SPIRE2: variants seen among roughly 807,000 people sequenced by gnomAD.
The protein encoded by SPIRE2 is protein spire homolog 2.
Under a neutral mutation model 80.7 loss-of-function variants are expected in SPIRE2, and 76 were observed. That is an observed-to-expected ratio of 0.94 (90% CI 0.78 to 1.14). The LOEUF is 1.14. SPIRE2 is among the 50% of genes most tolerant of loss of function. The pLI is 0.00. For synonymous variants in SPIRE2, 535 were observed against 432.6 expected, an observed-to-expected ratio of 1.24 and a Z score of -2.94; for missense variants, 1,196 against 1,015.3, an observed-to-expected ratio of 1.18 and a Z score of -2.42.
At position 89,869,611 on chromosome 16, in the gene SPIRE2, A is replaced by G; in HGVS notation, c.1851A>G (p.Thr617=). The G allele has an allele frequency of 6.2e-7, 1 of 1,614,110 alleles. No homozygotes were observed. Among genetic ancestry groups the G allele is most frequent in the South Asian group, 1.1e-5 (1 of 91,082 alleles). Reference sequence around the variant, plus strand: ...AATTTGGACACATCCCTGTCTACACACTGGGCTTTGAGAGTCCTCAGAGGG... The same window carrying G: ...AATTTGGACACATCCCTGTCTACACGCTGGGCTTTGAGAGTCCTCAGAGGG... ...SKKFGHIPVY[T]LGFESPQRVS... The change falls in exon 14 of 15, where the codon ACA becomes ACG. Residue 617 remains threonine, a synonymous_variant. Transcript: ENST00000378247.
chr16:89,838,118 G>C (rs984107763), intron 1 of SPIRE2, among the ~76,000 whole-genome samples: 2 of 148,992 alleles, frequency 1.3e-5, no homozygotes, highest in African/African-American at 5.0e-5. Flanking sequence ...TCCCACCTCA[G>C]CCTCCAGAGT....
chr16:89,854,719 GA>G lies in SPIRE2; in HGVS notation c.891+69del, dbSNP rs1283487905. On this transcript the variant is annotated intron_variant, in intron 5 of 14. Coordinates refer to ENST00000378247, the MANE Select transcript of SPIRE2 (RefSeq NM_032451.2). ...CGTGGTGAGCGGGGCGGACGCAGAT[GA>G]GCAGCCTGGATGTTGGGCAGCCCAC... 2.4e-5 allele frequency: 38 copies of G among 1,552,738 alleles called. No individual in the cohort carries two copies. The African/African-American group carries it at 4.6e-4, about 19-fold the overall frequency.
At position 89,870,230 on chromosome 16, in the gene SPIRE2, A is replaced by G. The variant is rs766056379; in HGVS notation, c.2103A>G (p.Gln701=). ...NTTPRRSRQT[Q]SLYIPNTRTL... ...CGCCACGACGCAGTCGCCAGACCCA[A>G]TCCCTCTACATCCCTAACACCAGGA... The change falls in exon 15 of 15, where the codon CAA becomes CAG. Residue 701 remains glutamine, a synonymous_variant. Coordinates refer to ENST00000378247, the MANE Select transcript of SPIRE2 (RefSeq NM_032451.2). 2.5e-6 allele frequency: 4 copies of G among 1,604,008 alleles called. No individual in the cohort carries two copies. The highest frequency in any genetic ancestry group is 2.2e-5 in the East Asian group (1 of 44,588).
chr16:89,851,738 C>T (rs987374964), intron 3 of SPIRE2, among the ~76,000 whole-genome samples: 10 of 152,084 alleles, frequency 6.6e-5, no homozygotes, highest in South Asian at 2.1e-4. Context: ...CCTTTTATCC[C>T]GTCAGCATCT....
Position 89,860,800 on chromosome 16 carries a change from G to C in SPIRE2, c.1575+5G>C. On this transcript the variant is annotated splice_donor_5th_base_variant and intron_variant, in intron 10 of 14. Coordinates refer to ENST00000378247, the MANE Select transcript of SPIRE2 (RefSeq NM_032451.2). Reference sequence around the variant, plus strand: ...GATGCCAAACACCTGTGGCTGGTGAGTGAGGGTGCGATTGTCGTCCAGGGC... The same window carrying C: ...GATGCCAAACACCTGTGGCTGGTGACTGAGGGTGCGATTGTCGTCCAGGGC... The C allele has an allele frequency of 6.8e-7, 1 of 1,478,016 alleles. No homozygotes were observed. The highest frequency in any genetic ancestry group is 9.0e-7 in the Non-Finnish European group (1 of 1,112,374). 91.6% of individuals were successfully genotyped at this position (1,478,016 alleles called of 1,614,324 possible).
intron 1 of SPIRE2, among the ~76,000 whole-genome samples, chr16:89,835,042 T>C (rs2041432684): frequency 1.3e-5 from 2 of 148,502 alleles, no homozygotes; most frequent in African/African-American, 5.0e-5. Flanking sequence ...GAAGCGTGGA[T>C]AAGCATAGCC....
At chr16:89,829,850 C>T (rs905076973) in intron 1 of SPIRE2, among the ~76,000 whole-genome samples, 1 of 151,428 alleles carries the variant, frequency 6.6e-6, no homozygotes, top group Non-Finnish European at 1.5e-5. Flanking sequence ...ACAGTGGCAG[C>T]GTTCAGATTC....
chr16:89,847,014 T>C (rs1042981119), intron 2 of SPIRE2: 2 of 150,954 alleles, frequency 1.3e-5, no homozygotes, highest in African/African-American at 4.9e-5. Context: ...GAAAACAACA[T>C]AGATTTACCG....
chr16:89,868,261 G>C, intron 13 of SPIRE2, 45 bp downstream of exon 13: 2 of 1,602,898 alleles, frequency 1.2e-6, no homozygotes, highest in Non-Finnish European at 1.7e-6. Context: ...AGGCAGATGA[G>C]GGGCTCCACT....
At chr16:89,829,750 C>T (rs2041361612) in intron 1 of SPIRE2, among the ~76,000 whole-genome samples, 1 of 151,638 alleles carries the variant, frequency 6.6e-6, no homozygotes. Flanking sequence ...CTGCCATTTG[C>T]AGTATCCCAC....
intron 7 of SPIRE2, among the ~76,000 whole-genome samples, chr16:89,857,180 C>T (rs1343635499): frequency 3.3e-5 from 5 of 149,858 alleles, no homozygotes; most frequent in East Asian, 2.0e-4. Flanking sequence ...TCTGTCACCC[C>T]GGCTGTAGTG....
At position 89,834,894 on chromosome 16, in the gene SPIRE2, G is replaced by A. The variant is rs533853622; in HGVS notation, c.244+6100G>A. On this transcript the variant is annotated intron_variant, in intron 1 of 14. Coordinates refer to ENST00000378247, the MANE Select transcript of SPIRE2 (RefSeq NM_032451.2). ...AACCTGCCCGCACTCGCAGCTGGCC[G>A]TCGTAGAAGGCCCCACAAGCATAGC... Among the ~76,000 whole-genome samples, 5 of 145,618 alleles carry A rather than the reference G, an allele frequency of 3.4e-5. No individual in the cohort carries two copies. The East Asian group carries it at 1.1e-3, about 31-fold the overall frequency.
intron 2 of SPIRE2, 180 bp downstream of exon 2, chr16:89,845,545 G>A (rs915673925): frequency 2.2e-5 from 16 of 733,016 alleles, no homozygotes; most frequent in Non-Finnish European, 3.4e-5. Context: ...GAGAGCAGAC[G>A]TGGAGGAGAC....
rs1258084029 is a variant in SPIRE2, at chr16:89,854,547, C to A, written c.787C>A (p.Gln263Lys). 6.2e-7 allele frequency: 1 copy of A among 1,612,640 alleles called. No homozygotes were observed. Among genetic ancestry groups the A allele is most frequent in the Non-Finnish European group, 8.5e-7 (1 of 1,179,948 alleles). Residue 263 changes from glutamine to lysine, a missense_variant, in exon 5 of 15, where the codon CAA (glutamine) becomes AAA (lysine). Coordinates refer to ENST00000378247, the MANE Select transcript of SPIRE2 (RefSeq NM_032451.2). ...CCGCGGAGTGAAGCTGAAGAAGGTG[C>A]AAGAGCAGGAGTTCAACCCCCTCCC... ...LRRGVKLKKV[Q>K]EQEFNPLPTE...
At chr16:89,855,764 A>G in intron 6 of SPIRE2, 78 bp downstream of exon 6, 1 of 1,434,168 alleles carries the variant, frequency 7.0e-7, no homozygotes, top group Non-Finnish European at 9.7e-7. Context: ...GAGGTGTCCC[A>G]GCACGTCTTC....
intron 1 of SPIRE2, among the ~76,000 whole-genome samples, chr16:89,834,036 A>C (rs2041414549): frequency 6.6e-6 from 1 of 152,184 alleles, no homozygotes; most frequent in Non-Finnish European, 1.5e-5. Flanking sequence ...ACAGGAAGGC[A>C]GTCCTGCAGC....
chr16:89,857,845 C>T lies in SPIRE2; in HGVS notation c.1103-493C>T, dbSNP rs1268565006. Among the ~76,000 whole-genome samples the T allele has an allele frequency of 3.3e-5, 5 of 149,646 alleles. No individual in the cohort carries two copies. The East Asian group carries it at 1.0e-3, about 30-fold the overall frequency. ...TCAGCCTCCCAAAGTGCAGGGATTA[C>T]AGGCGTGAGCCACCGCACCCAGCCT... On this transcript the variant is annotated intron_variant, in intron 7 of 14. Transcript: ENST00000378247.
At chr16:89,869,784 C>G in intron 14 of SPIRE2, 102 bp downstream of exon 14, 1 of 899,216 alleles carries the variant, frequency 1.1e-6, no homozygotes, top group Non-Finnish European at 1.8e-6. Flanking sequence ...TTTGCTAGGA[C>G]ACCCCAAGGA....
chr16:89,870,450 C>G lies in SPIRE2; in HGVS notation c.*178C>G, dbSNP rs2041830449. On this transcript the variant is annotated 3_prime_UTR_variant, in exon 15 of 15. Transcript: ENST00000378247. The stretch of plus-strand genomic sequence containing the variant: ...CAGAGCTCATTTGGGTTCAGGCGCA[C>G]TTCAAAACCCTCCCTGGGGGAGGCT... 2 of 548,550 alleles carry G rather than the reference C, an allele frequency of 3.6e-6. No individual in the cohort carries two copies. Among genetic ancestry groups the G allele is most frequent in the South Asian group, 4.8e-5 (2 of 41,620 alleles). 34.0% of individuals were successfully genotyped at this position (548,550 alleles called of 1,614,324 possible).
Sources: gnomAD v4.1 joint callset for allele counts (sites outside exome capture counted in the v4.1 genomes callset) on GRCh38, gnomAD v4.1.1 for gene constraint, MANE v1.5 for transcripts, NCBI Gene and HGNC (gene_info 2026-07-23, HGNC 2026-07-21) for gene names.